NECAB1: variants seen among roughly 807,000 people sequenced by gnomAD.
NECAB1 encodes N-terminal EF-hand calcium binding protein 1.
A neutral mutation model predicts 57.5 loss-of-function variants in NECAB1; 29 were observed. The observed-to-expected ratio is 0.50, with a 90% CI of 0.38 to 0.69. NECAB1 has a LOEUF of 0.69. Among genes scored for constraint, NECAB1 ranks in the 30% least tolerant of loss-of-function variants. The pLI, the probability that NECAB1 is intolerant of heterozygous loss-of-function variation, is 0.00. For synonymous variants in NECAB1, 142 were observed against 147.7 expected (o/e 0.96, Z 0.28); for missense variants, 372 against 413.8 (o/e 0.90, Z 0.88).
intron 10 of NECAB1, among the ~76,000 whole-genome samples, chr8:90,944,351 A>T (rs1394175343): frequency 6.6e-6 from 1 of 152,114 alleles, no homozygotes; most frequent in African/African-American, 2.4e-5. Context: ...AAGTATGGGG[A>T]GTTACAGAGG....
intron 5 of NECAB1, among the ~76,000 whole-genome samples, chr8:90,893,851 T>TA (rs11452366): frequency 4.9e-5 from 2 of 40,584 alleles, no homozygotes; most frequent in African/African-American, 1.5e-3. Flanking sequence ...AAGAATGCTA[T>TA]TTTTTTTTTA....
intron 3 of NECAB1, among the ~76,000 whole-genome samples, chr8:90,834,714 A>T (rs1420639215): frequency 6.6e-6 from 1 of 152,222 alleles, no homozygotes. Context: ...AGTTGAAAAT[A>T]TAGAAAATTA....
chr8:90,815,746 A>G (rs1812052361), intron 2 of NECAB1, among the ~76,000 whole-genome samples: 2 of 152,028 alleles, frequency 1.3e-5, no homozygotes, highest in African/African-American at 2.4e-5. Context: ...TTATCATTGT[A>G]TAATATTTCA....
chr8:90,896,987 A>G (rs1253433945), intron 5 of NECAB1, among the ~76,000 whole-genome samples: 1 of 152,214 alleles, frequency 6.6e-6, no homozygotes, highest in Non-Finnish European at 1.5e-5. Flanking sequence ...GTCAGGGATA[A>G]GAACCCCTTG....
rs1039600399 is a variant in NECAB1, at chr8:90,917,989, T to C, written c.494+361T>C. Among the ~76,000 whole-genome samples the C allele has an allele frequency of 5.1e-5, 7 of 137,144 alleles. No individual in the cohort carries two copies. In the Admixed American group the frequency reaches 5.2e-4, roughly 10 times the overall value. The allele number at this position is 137,144 out of a possible 152,430, so 90.0% of individuals were successfully genotyped here. ...ATGTGTGTGTGTGTATATATATACATATATGTGTGTGTGTATATATATATA... is the reference window on the plus strand; with the variant it reads ...ATGTGTGTGTGTGTATATATATACACATATGTGTGTGTGTATATATATATA... On this transcript the variant is annotated intron_variant, in intron 6 of 12. Coordinates refer to ENST00000417640, the MANE Select transcript of NECAB1 (RefSeq NM_022351.5).
intron 5 of NECAB1, among the ~76,000 whole-genome samples, chr8:90,889,886 C>T (rs1475120670): frequency 1.3e-5 from 2 of 152,096 alleles, no homozygotes; most frequent in Non-Finnish European, 2.9e-5. Context: ...TCAGTGGGAG[C>T]GGAATTAAAC....
intron 3 of NECAB1, among the ~76,000 whole-genome samples, chr8:90,856,086 C>T (rs1301183067): frequency 3.3e-5 from 5 of 152,230 alleles, no homozygotes; most frequent in Admixed American, 2.0e-4. Flanking sequence ...GTTACCACCC[C>T]TAGACTGCAG....
chr8:90,950,526 T>C (rs1025884849), intron 11 of NECAB1, among the ~76,000 whole-genome samples: 4 of 152,204 alleles, frequency 2.6e-5, no homozygotes, highest in Non-Finnish European at 5.9e-5. Context: ...GTACAGAGAA[T>C]ACAGCTCTCT....
At chr8:90,843,506 C>A (rs188219483) in intron 3 of NECAB1, among the ~76,000 whole-genome samples, 1 of 152,176 alleles carries the variant, frequency 6.6e-6, no homozygotes, top group Non-Finnish European at 1.5e-5. Flanking sequence ...TATTGCTTAG[C>A]GTGTAGCAGA....
intron 3 of NECAB1, among the ~76,000 whole-genome samples, chr8:90,828,608 C>T (rs551842599): frequency 2.8e-4 from 43 of 152,084 alleles, no homozygotes; most frequent in African/African-American, 1.0e-3. Flanking sequence ...GTGAAAAGAA[C>T]CCTGAGTAAA....
At chr8:90,902,048 T>A (rs1809515693) in intron 5 of NECAB1, among the ~76,000 whole-genome samples, 3 of 152,234 alleles carry the variant, frequency 2.0e-5, no homozygotes, top group African/African-American at 7.2e-5. Flanking sequence ...ATAGAGGTAC[T>A]AATCCACATA....
chr8:90,883,355 G>T (rs768454602), intron 5 of NECAB1, among the ~76,000 whole-genome samples: 10 of 152,134 alleles, frequency 6.6e-5, no homozygotes, highest in Non-Finnish European at 1.3e-4. Flanking sequence ...CGTTTCTCAA[G>T]CCACTGTTGA....
chr8:90,809,360 C>T (rs928398465), intron 2 of NECAB1, among the ~76,000 whole-genome samples: 1 of 152,228 alleles, frequency 6.6e-6, no homozygotes, highest in Non-Finnish European at 1.5e-5. Flanking sequence ...AACCTAGTCA[C>T]TTCTTGCTAT....
intron 9 of NECAB1, among the ~76,000 whole-genome samples, chr8:90,935,409 T>G (rs1252518362): frequency 9.9e-5 from 15 of 152,180 alleles, no homozygotes; most frequent in Non-Finnish European, 1.5e-5. Flanking sequence ...TGTCTAGTGC[T>G]TTTATCCCTC....
intron 5 of NECAB1, among the ~76,000 whole-genome samples, chr8:90,916,400 A>G (rs1809953166): frequency 6.6e-6 from 1 of 152,184 alleles, no homozygotes; most frequent in African/African-American, 2.4e-5. Context: ...GAAAACTGAG[A>G]ACCAGGAAGG....
chr8:90,809,998 G>C (rs1035501293), intron 2 of NECAB1, among the ~76,000 whole-genome samples: 7 of 152,326 alleles, frequency 4.6e-5, no homozygotes, highest in African/African-American at 1.7e-4. Flanking sequence ...TTGCAAGGAA[G>C]ATACTGTCAT....
chr8:90,905,629 T>TG (rs1809622224), intron 5 of NECAB1, among the ~76,000 whole-genome samples: 1 of 152,244 alleles, frequency 6.6e-6, no homozygotes, highest in East Asian at 1.9e-4. Context: ...TCTGTGCTGC[T>TG]GGGCATCTGC....
chr8:90,845,150 C>T (rs926538467), intron 3 of NECAB1, among the ~76,000 whole-genome samples: 30 of 152,142 alleles, frequency 2.0e-4, no homozygotes, highest in African/African-American at 6.3e-4. Context: ...CTACTTTGTC[C>T]ATATTCCTTT....
At chr8:90,819,872 TG>T (rs1366872229) in intron 2 of NECAB1, among the ~76,000 whole-genome samples, 1 of 151,728 alleles carries the variant, frequency 6.6e-6, no homozygotes, top group East Asian at 1.9e-4. Context: ...GGAGAACATT[TG>T]GGGTATATTT....
Sources: allele counts gnomAD v4.1 joint callset (sites outside exome capture counted in the v4.1 genomes callset), GRCh38; gene constraint gnomAD v4.1.1; transcripts MANE v1.5; gene names NCBI Gene and HGNC (gene_info 2026-07-23, HGNC 2026-07-21).